The following PIWIL2 variants were observed in gnomAD, a reference collection of about 807,000 sequenced individuals.
The protein encoded by PIWIL2 is piwi-like protein 2.
PIWIL2 carries 81 observed loss-of-function variants against 116.5 expected under a neutral mutation model. The observed-to-expected ratio is 0.70, with a 90% CI of 0.58 to 0.84. The LOEUF is 0.84. PIWIL2 is among the 40% of genes least tolerant of loss of function. The pLI is 0.00. For synonymous variants in PIWIL2, 489 were observed against 429.5 expected (o/e 1.14, Z -1.71); for missense variants, 1,272 against 1,212.3 (o/e 1.05, Z -0.73).
intron 20 of PIWIL2, among the ~76,000 whole-genome samples, chr8:22,343,257 A>G (rs1387834881): frequency 4.8e-5 from 7 of 146,746 alleles, no homozygotes; most frequent in Middle Eastern, 3.8e-3. Context: ...ATACAAAATT[A>G]GCCGGGTGTG....
intron 16 of PIWIL2, among the ~76,000 whole-genome samples, chr8:22,311,870 C>T (rs1299652000): frequency 6.6e-6 from 1 of 152,174 alleles, no homozygotes; most frequent in Non-Finnish European, 1.5e-5. Flanking sequence ...AAGTAATTAG[C>T]CCTTGAATTG....
intron 10 of PIWIL2, among the ~76,000 whole-genome samples, chr8:22,302,398 C>A (rs1289043266): frequency 6.6e-6 from 1 of 152,058 alleles, no homozygotes; most frequent in Non-Finnish European, 1.5e-5. Context: ...CCAGGATGGT[C>A]TCGATCTCTT....
chr8:22,289,905 GCTA>G lies in PIWIL2; in HGVS notation c.1046_1048del (p.Ala349_Met350delinsVal), dbSNP rs759647547. The G allele has an allele frequency of 3.1e-6, 5 of 1,610,144 alleles. No individual in the cohort carries two copies. The highest frequency in any genetic ancestry group is 4.2e-6 in the Non-Finnish European group (5 of 1,176,548). ...GAGAAACTTTTATGACCCTACAAGT[GCTA>G]TGGTACTACAGCAACACAGGTTGGT... On this transcript the variant is annotated inframe_deletion, in exon 9 of 23. Coordinates refer to ENST00000356766, the MANE Select transcript of PIWIL2 (RefSeq NM_018068.5).
chr8:22,285,541 T>C (rs1830610076), intron 6 of PIWIL2, among the ~76,000 whole-genome samples: 6 of 152,210 alleles, frequency 3.9e-5, no homozygotes, highest in Admixed American at 3.9e-4. Context: ...ATATATCTCT[T>C]TGACACACTG....
intron 22 of PIWIL2, among the ~76,000 whole-genome samples, chr8:22,354,613 G>A (rs1223279689): frequency 6.6e-6 from 1 of 152,044 alleles, no homozygotes; most frequent in Non-Finnish European, 1.5e-5. Context: ...CTATTCTGAG[G>A]CATCTGTATT....
At chr8:22,313,880 T>C (rs1248086994) in intron 16 of PIWIL2, among the ~76,000 whole-genome samples, 1 of 152,252 alleles carries the variant, frequency 6.6e-6, no homozygotes, top group African/African-American at 2.4e-5. Flanking sequence ...TAGTTCTGAA[T>C]GCTTTCTTGT....
chr8:22,323,252 ATTC>A (rs1297327640), intron 20 of PIWIL2, among the ~76,000 whole-genome samples: 2 of 148,334 alleles, frequency 1.3e-5, no homozygotes, highest in Non-Finnish European at 1.5e-5. Context: ...GGTTCAAGCA[ATTC>A]TTCTGCCTCA....
At chr8:22,279,888 C>T (rs1475922616) in intron 2 of PIWIL2, among the ~76,000 whole-genome samples, 2 of 152,140 alleles carry the variant, frequency 1.3e-5, no homozygotes, top group Admixed American at 6.5e-5. Flanking sequence ...ACCGTGGAGG[C>T]GGAGGTTGCG....
rs529291328 is a variant in PIWIL2 at position 22,352,934 on chromosome 8, C to T, written c.2404-25C>T. On this transcript the variant is annotated intron_variant, in intron 20 of 22. Coordinates refer to ENST00000356766, the MANE Select transcript of PIWIL2 (RefSeq NM_018068.5). ...TCCGTAGCCTGAGGGCTCTGTGAGT[C>T]ACCACATCCTCGCTGTCATTTCAGG... The T allele has an allele frequency of 4.1e-5, 65 of 1,594,956 alleles. No individual in the cohort carries two copies. The South Asian group carries it at 6.4e-4, about 16-fold the overall frequency.
chr8:22,277,917 C>G (rs968751291), intron 1 of PIWIL2, among the ~76,000 whole-genome samples: 2 of 152,164 alleles, frequency 1.3e-5, no homozygotes, highest in Non-Finnish European at 2.9e-5. Context: ...ACCTGTAATC[C>G]CAGCACTTTG....
intron 19 of PIWIL2, 151 bp downstream of exon 19, chr8:22,316,484 T>TG: frequency 3.7e-6 from 2 of 546,098 alleles, no homozygotes; most frequent in Non-Finnish European, 3.3e-6. Flanking sequence ...ATTTTTTTTT[T>TG]CGGGGGGGAG....
At position 22,316,304 on chromosome 8, in the gene PIWIL2, CG is replaced by C; in HGVS notation, c.2269del (p.Val757TrpfsTer32). The C allele has an allele frequency of 6.2e-7, 1 of 1,612,342 alleles. No individual in the cohort carries two copies. The highest frequency in any genetic ancestry group is 8.5e-7 in the Non-Finnish European group (1 of 1,178,464). On this transcript the variant is annotated frameshift_variant, in exon 19 of 23. Coordinates refer to ENST00000356766, the MANE Select transcript of PIWIL2 (RefSeq NM_018068.5). LOFTEE classifies it high-confidence loss of function. Reference protein sequence around the residue: ...YHDPSRGMRSVVGFVASINLT... With the variant: ...YHDPSRGMRSXVGFVASINLT... ...ATGACCCCAGTAGAGGCATGCGCTCCGTGGTTGGCTTCGTGGCAAGCATCAA... is the reference window on the plus strand; with the variant it reads ...ATGACCCCAGTAGAGGCATGCGCTCCTGGTTGGCTTCGTGGCAAGCATCAA...
Position 22,346,787 on chromosome 8 carries a change from C to A in PIWIL2, c.2404-6172C>A, listed in dbSNP as rs531167164. ...ATAAGCCAGGCATAGTGGTGCATGC[C>A]TGTAGGCGCAGCTACTCAGGAGGCT... On this transcript the variant is annotated intron_variant, in intron 20 of 22. Transcript: ENST00000356766. Among the ~76,000 whole-genome samples the A allele has an allele frequency of 2.6e-3, 392 of 152,216 alleles. 2 individuals are homozygous for A. Among genetic ancestry groups the A allele is most frequent in the Non-Finnish European group, 4.1e-3 (278 of 68,010 alleles).
chr8:22,318,870 C>T (rs1168670815), intron 20 of PIWIL2, among the ~76,000 whole-genome samples: 2 of 152,164 alleles, frequency 1.3e-5, no homozygotes, highest in South Asian at 2.1e-4. Flanking sequence ...ATGCCCTTAT[C>T]GGGGAAGTTG....
rs115175348 is a variant in PIWIL2, at chr8:22,319,772, G to A, written c.2403+1497G>A. 1.8e-3 allele frequency among the ~76,000 whole-genome samples: 267 copies of A among 152,298 alleles called. 1 individual carries two copies. The highest frequency in any genetic ancestry group is 6.2e-3 in the African/African-American group (258 of 41,560). On this transcript the variant is annotated intron_variant, in intron 20 of 22. Coordinates refer to ENST00000356766, the MANE Select transcript of PIWIL2 (RefSeq NM_018068.5). ...AAGCCTGAATGTTCCACAAGACAGAGTGCTGGTGGAAGTCATGCTGCATTT... is the reference window on the plus strand; with the variant it reads ...AAGCCTGAATGTTCCACAAGACAGAATGCTGGTGGAAGTCATGCTGCATTT...
chr8:22,299,459 C>T (rs1210639903), intron 10 of PIWIL2, among the ~76,000 whole-genome samples: 1 of 152,106 alleles, frequency 6.6e-6, no homozygotes, highest in Non-Finnish European at 1.5e-5. Flanking sequence ...CCACGCACCT[C>T]GGCTTCCCAA....
chr8:22,309,594 C>T lies in PIWIL2; in HGVS notation c.1687-367C>T, dbSNP rs1327801678. On this transcript the variant is annotated intron_variant, in intron 14 of 22. Transcript: ENST00000356766. ...CCTCAAGTGATCTGCCCTCCTCGGC[C>T]TCCCAAAGTGCTGGGATTACAGGCG... is the stretch of plus-strand genomic sequence containing the variant. Among the ~76,000 whole-genome samples the T allele has an allele frequency of 3.9e-5, 6 of 152,232 alleles. No homozygotes were observed. The East Asian group carries it at 7.7e-4, about 20-fold the overall frequency.
chr8:22,326,993 T>C lies in PIWIL2; in HGVS notation c.2403+8718T>C, dbSNP rs1030372060. Among the ~76,000 whole-genome samples the C allele has an allele frequency of 2.8e-4, 42 of 151,924 alleles. 1 individual carries two copies. Among genetic ancestry groups the C allele is most frequent in the Middle Eastern group, 3.4e-3 (1 of 294 alleles). On this transcript the variant is annotated intron_variant, in intron 20 of 22. Transcript: ENST00000356766. ...AGAAGTTTTCAGTTTCTCCAAACAA[T>C]TGCCAACAATTGCTATTTTCTGTTT...
intron 10 of PIWIL2, among the ~76,000 whole-genome samples, chr8:22,294,377 C>G (rs1017447387): frequency 6.9e-6 from 1 of 144,756 alleles, no homozygotes; most frequent in Non-Finnish European, 1.5e-5. Flanking sequence ...CGTGGTGGCT[C>G]ACGCCTGTAA....
Sources: gnomAD v4.1 joint callset for allele counts (sites outside exome capture counted in the v4.1 genomes callset) on GRCh38, gnomAD v4.1.1 for gene constraint, MANE v1.5 for transcripts, NCBI Gene and HGNC (gene_info 2026-07-23, HGNC 2026-07-21) for gene names.